The following SMYD3 variants were observed in gnomAD, a reference collection of about 807,000 sequenced individuals.
SMYD3 encodes the protein SET and MYND domain containing 3, also known as histone-lysine N-methyltransferase SMYD3.
In SMYD3, 36 loss-of-function variants were observed where a neutral mutation model predicts 57.7. The observed-to-expected ratio is 0.62, with a 90% CI of 0.48 to 0.82. The LOEUF (loss-of-function observed/expected upper bound fraction) is 0.82. Among genes scored for constraint, SMYD3 ranks in the 40% least tolerant of loss-of-function variants. The pLI, the probability that SMYD3 is intolerant of heterozygous loss-of-function variation, is 0.00. For synonymous variants in SMYD3, 211 were observed against 195.0 expected (o/e 1.08, Z -0.68); for missense variants, 515 against 538.8 (o/e 0.96, Z 0.44).
intron 5 of SMYD3, among the ~76,000 whole-genome samples, chr1:245,999,628 A>G (rs1468206310): frequency 2.6e-5 from 4 of 152,212 alleles, no homozygotes; most frequent in African/African-American, 9.6e-5. Flanking sequence ...AAAAGGATTT[A>G]AGGATAGGGA....
At chr1:246,191,174 T>C (rs973875609) in intron 5 of SMYD3, among the ~76,000 whole-genome samples, 4 of 152,232 alleles carry the variant, frequency 2.6e-5, no homozygotes, top group African/African-American at 4.8e-5. Context: ...CAGTTCTCCA[T>C]GGAAGCAGCA....
chr1:246,485,157 A>G (rs2068166601), intron 1 of SMYD3, among the ~76,000 whole-genome samples: 1 of 152,116 alleles, frequency 6.6e-6, no homozygotes, highest in African/African-American at 2.4e-5. Flanking sequence ...CAACCAAAAT[A>G]CCTAAACTAT....
chr1:246,126,695 T>C (rs141976202), intron 5 of SMYD3, among the ~76,000 whole-genome samples: 1 of 152,312 alleles, frequency 6.6e-6, no homozygotes, highest in East Asian at 1.9e-4. Flanking sequence ...AAGCTTCAAA[T>C]AGAAAGAAAA....
chr1:245,888,483 T>C (rs972293325), intron 8 of SMYD3, among the ~76,000 whole-genome samples: 2 of 152,198 alleles, frequency 1.3e-5, no homozygotes, highest in African/African-American at 2.4e-5. Flanking sequence ...GTACCCACAG[T>C]GCTTTATCAA....
intron 1 of SMYD3, among the ~76,000 whole-genome samples, chr1:246,493,041 T>C (rs1240405227): frequency 6.6e-6 from 1 of 152,230 alleles, no homozygotes; most frequent in Non-Finnish European, 1.5e-5. Flanking sequence ...TATTAGTATG[T>C]ACTTAATGCC....
chr1:245,865,791 C>G (rs1317875), intron 8 of SMYD3, among the ~76,000 whole-genome samples: 84,550 of 152,168 alleles, frequency 0.56, 26,690 homozygotes, highest in Non-Finnish European at 0.73. Context: ...CTACCACACT[C>G]AACAACCCAG....
At position 245,764,091 on chromosome 1, in the gene SMYD3, G is replaced by T. The variant is rs778849787; in HGVS notation, c.1135C>A (p.Leu379Met). 2 of 1,614,096 alleles carry T rather than the reference G, an allele frequency of 1.2e-6. No individual in the cohort carries two copies. Among genetic ancestry groups the T allele is most frequent in the Non-Finnish European group, 1.7e-6 (2 of 1,180,012 alleles). ...GGAAACATGCCTTGATGTAGCTGCA[G>T]TTTGCCAACTTTCATCACTTGAACC... Reference protein sequence around the residue: ...RGVQVMKVGKLQLHQGMFPQA... With the variant: ...RGVQVMKVGKMQLHQGMFPQA... The change falls in exon 11 of 12, where the codon CTG (leucine) becomes ATG (methionine). Residue 379 changes from leucine to methionine, a missense_variant. Physicochemically the swap from Leu to Met is conservative, Grantham distance 15. Transcript: ENST00000490107.
chr1:245,753,001 C>T (rs1362582988), intron 11 of SMYD3, among the ~76,000 whole-genome samples: 1 of 152,166 alleles, frequency 6.6e-6, no homozygotes, highest in African/African-American at 2.4e-5. Context: ...CAGAGGCTCT[C>T]CTGGACATGG....
chr1:245,764,514 G>A (rs1890812), intron 10 of SMYD3, among the ~76,000 whole-genome samples: 7,878 of 152,140 alleles, frequency 0.052, 686 homozygotes, highest in African/African-American at 0.18. Context: ...ATCAGCATCA[G>A]CACTAGCACA....
At chr1:246,025,658 C>G (rs1233780552) in intron 5 of SMYD3, among the ~76,000 whole-genome samples, 1 of 152,104 alleles carries the variant, frequency 6.6e-6, no homozygotes, top group Non-Finnish European at 1.5e-5. Context: ...GACAGAGACT[C>G]CAGCCATAAG....
At chr1:246,067,553 G>A (rs1010345384) in intron 5 of SMYD3, among the ~76,000 whole-genome samples, 1 of 152,132 alleles carries the variant, frequency 6.6e-6, no homozygotes. Context: ...AGGTTGCTGT[G>A]CAGACTTGTG....
At chr1:246,184,720 C>T (rs2148298183) in intron 5 of SMYD3, among the ~76,000 whole-genome samples, 1 of 152,274 alleles carries the variant, frequency 6.6e-6, no homozygotes, top group South Asian at 2.1e-4. Context: ...CCCTTCCTCC[C>T]TGTGTGCTTG....
chr1:245,792,541 AT>A (rs1280638947), intron 10 of SMYD3, among the ~76,000 whole-genome samples: 1 of 152,138 alleles, frequency 6.6e-6, no homozygotes, highest in African/African-American at 2.4e-5. Context: ...CAGAAAAAAA[AT>A]TTTTTTATTC....
Position 245,977,357 on chromosome 1 carries a change from T to C in SMYD3, c.532-47420A>G, listed in dbSNP as rs912918938. On this transcript the variant is annotated intron_variant, in intron 5 of 11. Transcript: ENST00000490107. ...CATGGCATGGCTTTAAATGCCACCA[T>C]TGGAGGAAGTCCATCCTTAATCACA... is the stretch of plus-strand genomic sequence containing the variant. Among the ~76,000 whole-genome samples the C allele has an allele frequency of 2.0e-5, 3 of 152,184 alleles. No homozygotes were observed. The East Asian group carries it at 5.8e-4, about 29-fold the overall frequency.
intron 5 of SMYD3, among the ~76,000 whole-genome samples, chr1:246,060,582 A>ATTTTTTTTTTTTTTTT (rs1558191811): frequency 2.0e-5 from 3 of 152,298 alleles, no homozygotes; most frequent in African/African-American, 7.2e-5. Flanking sequence ...CATTTTAATA[A>ATTTTTTTTTTTTTTTT]ATTTTTATGA....
At chr1:246,157,900 C>T (rs1055701396) in intron 5 of SMYD3, among the ~76,000 whole-genome samples, 6 of 152,188 alleles carry the variant, frequency 3.9e-5, no homozygotes, top group Admixed American at 3.9e-4. Flanking sequence ...AGTATGTTGC[C>T]AGTGAGACCC....
chr1:246,102,017 CT>C (rs1192879998), intron 5 of SMYD3, among the ~76,000 whole-genome samples: 8 of 152,218 alleles, frequency 5.3e-5, no homozygotes, highest in African/African-American at 1.9e-4. Flanking sequence ...TTCTATCCGG[CT>C]TTAATTTCTC....
intron 2 of SMYD3, among the ~76,000 whole-genome samples, chr1:246,341,595 A>G (rs1448669813): frequency 6.6e-6 from 1 of 152,172 alleles, no homozygotes; most frequent in African/African-American, 2.4e-5. Context: ...ATGAAAGTAG[A>G]CTCTCACAAT....
intron 5 of SMYD3, among the ~76,000 whole-genome samples, chr1:246,210,901 A>G (rs2063075280): frequency 6.6e-6 from 1 of 152,102 alleles, no homozygotes; most frequent in African/African-American, 2.4e-5. Context: ...TCGCAGAAAC[A>G]TGAGTGCTGC....
Sources: allele counts gnomAD v4.1 joint callset (sites outside exome capture counted in the v4.1 genomes callset), GRCh38; gene constraint gnomAD v4.1.1; transcripts MANE v1.5; gene names NCBI Gene and HGNC (gene_info 2026-07-23, HGNC 2026-07-21).